NRG3: variants seen among roughly 807,000 people sequenced by gnomAD.
NRG3 encodes neuregulin 3, also known as pro-neuregulin-3, membrane-bound isoform.
A neutral mutation model predicts 66.9 loss-of-function variants in NRG3; 31 were observed. The ratio of observed to expected loss-of-function variants is 0.46; its 90% confidence interval spans 0.35 to 0.63. NRG3 has a LOEUF of 0.63. Ranked by LOEUF, NRG3 falls within the 20% of genes least tolerant of loss-of-function variation. The probability of loss-of-function intolerance (pLI) is 0.00; values close to 1 mark genes in which losing one functional copy is unlikely to be tolerated. For missense variants in NRG3, 910 were observed against 878.9 expected (o/e 1.04, Z -0.45); for synonymous variants, 393 against 359.4 (o/e 1.09, Z -1.06).
chr10:82,304,720 A>G (rs542100850), intron 1 of NRG3, among the ~76,000 whole-genome samples: 206 of 152,148 alleles, frequency 1.4e-3, no homozygotes, highest in Non-Finnish European at 2.3e-3. Context: ...GAGGACCATG[A>G]AATTCCCTAC....
chr10:81,907,164 A>T (rs1184095873), intron 1 of NRG3, among the ~76,000 whole-genome samples: 8 of 152,158 alleles, frequency 5.3e-5, no homozygotes, highest in Non-Finnish European at 1.0e-4. Context: ...TGTTTCTAGG[A>T]GGATGTCAAT....
intron 2 of NRG3, among the ~76,000 whole-genome samples, chr10:82,542,130 GTTCTCATTT>G: frequency 6.6e-6 from 1 of 152,038 alleles, no homozygotes; most frequent in Non-Finnish European, 1.5e-5. Context: ...GTGTCCATGT[GTTCTCATTT>G]TTCAACTCCC....
In NRG3 at chr10:81,993,930, A is replaced by T. The variant is rs1451365014; in HGVS notation, c.823+117767A>T. Among the ~76,000 whole-genome samples, 3 of 152,298 alleles carry T rather than the reference A, an allele frequency of 2.0e-5. No individual in the cohort carries two copies. The East Asian group carries it at 5.8e-4, about 29-fold the overall frequency. ...TTTTGCTATTTAATATAGTGTGAAG[A>T]TTTCCCCAGTGCTGTACTTACTTTC... On this transcript the variant is annotated intron_variant, in intron 1 of 8. Transcript: ENST00000372141.
At chr10:82,645,345 T>C (rs1181701192) in intron 2 of NRG3, among the ~76,000 whole-genome samples, 1 of 152,192 alleles carries the variant, frequency 6.6e-6, no homozygotes, top group Non-Finnish European at 1.5e-5. Flanking sequence ...ATCAAGTGCA[T>C]CAGTGAATTT....
At chr10:82,984,590 A>C (rs1853261263) in intron 8 of NRG3, among the ~76,000 whole-genome samples, 1 of 152,164 alleles carries the variant, frequency 6.6e-6, no homozygotes, top group Non-Finnish European at 1.5e-5. Flanking sequence ...TCTTGATTGT[A>C]GTACCTGGAT....
At chr10:82,467,915 ATG>A (rs749285969) in intron 2 of NRG3, among the ~76,000 whole-genome samples, 5 of 146,988 alleles carry the variant, frequency 3.4e-5, no homozygotes, top group Non-Finnish European at 7.7e-5. Flanking sequence ...GTGTGTGTGT[ATG>A]TGTGTGTGTG....
chr10:82,342,328 C>A (rs1034787326), intron 1 of NRG3, among the ~76,000 whole-genome samples: 2 of 152,018 alleles, frequency 1.3e-5, no homozygotes, highest in East Asian at 1.9e-4. Flanking sequence ...ATTTTTAGTT[C>A]TTGGATAAAT....
chr10:82,052,347 G>C (rs2133145261), intron 1 of NRG3, among the ~76,000 whole-genome samples: 1 of 152,058 alleles, frequency 6.6e-6, no homozygotes, highest in African/African-American at 2.4e-5. Context: ...GTAGCCCATG[G>C]GGTCATATCA....
chr10:82,340,823 G>T (rs1293643217), intron 1 of NRG3: 1 of 152,104 alleles, frequency 6.6e-6, no homozygotes, highest in African/African-American at 2.4e-5. Flanking sequence ...AGAGAAAGTT[G>T]TCATGGCCGT....
intron 1 of NRG3, among the ~76,000 whole-genome samples, chr10:82,186,159 A>G (rs2073795964): frequency 6.6e-6 from 1 of 152,156 alleles, no homozygotes; most frequent in African/African-American, 2.4e-5. Context: ...AGCATTCAGA[A>G]CTCCAAAGAG....
intron 2 of NRG3, 139 bp from the exon 3 acceptor site, chr10:82,738,438 G>A (rs2058261774): frequency 5.7e-6 from 4 of 703,354 alleles, no homozygotes; most frequent in Non-Finnish European, 1.0e-5. Flanking sequence ...GTTGAGGTCA[G>A]AAACAGACTG....
intron 2 of NRG3, among the ~76,000 whole-genome samples, chr10:82,695,296 C>T (rs17100512): frequency 0.07 from 10,656 of 151,720 alleles, 1,141 homozygotes; most frequent in African/African-American, 0.23. Flanking sequence ...ATTTGATTTC[C>T]GATACTGTAA....
At chr10:82,611,199 C>T (rs2048291287) in intron 2 of NRG3, among the ~76,000 whole-genome samples, 1 of 151,912 alleles carries the variant, frequency 6.6e-6, no homozygotes, top group Non-Finnish European at 1.5e-5. Context: ...CCTTAGATTG[C>T]AATGAGTTTT....
intron 1 of NRG3, among the ~76,000 whole-genome samples, chr10:82,045,666 G>A (rs2133063804): frequency 1.3e-5 from 1 of 75,786 alleles, no homozygotes; most frequent in Admixed American, 1.6e-4. Flanking sequence ...GAATGGTAAT[G>A]CCTAGGTTTT....
At chr10:82,683,753 T>C (rs998085281) in intron 2 of NRG3, among the ~76,000 whole-genome samples, 7 of 152,246 alleles carry the variant, frequency 4.6e-5, no homozygotes, top group Non-Finnish European at 1.0e-4. Context: ...TTAGTAATAC[T>C]TGTATTTTTG....
intron 3 of NRG3, among the ~76,000 whole-genome samples, chr10:82,748,611 T>G (rs1354546293): frequency 6.7e-6 from 1 of 148,942 alleles, no homozygotes; most frequent in Non-Finnish European, 1.5e-5. Context: ...ATATTATTTA[T>G]TTTTAATTAT....
chr10:82,122,164 A>T (rs2053868235), intron 1 of NRG3, among the ~76,000 whole-genome samples: 1 of 152,188 alleles, frequency 6.6e-6, no homozygotes, highest in South Asian at 2.1e-4. Flanking sequence ...CCTCACATGG[A>T]GTAAGTGCTC....
At chr10:82,790,197 A>G (rs2060528564) in intron 3 of NRG3, among the ~76,000 whole-genome samples, 1 of 152,104 alleles carries the variant, frequency 6.6e-6, no homozygotes, top group Non-Finnish European at 1.5e-5. Context: ...CTGTTTCTTC[A>G]TGTGAACTTA....
At chr10:82,860,348 AT>A (rs1176333969) in intron 3 of NRG3, among the ~76,000 whole-genome samples, 2 of 152,168 alleles carry the variant, frequency 1.3e-5, no homozygotes, top group Non-Finnish European at 2.9e-5. Context: ...TCTTAAGTGG[AT>A]TAAATAATTC....
Sources: gnomAD v4.1 joint callset for allele counts (sites outside exome capture counted in the v4.1 genomes callset) on GRCh38, gnomAD v4.1.1 for gene constraint, MANE v1.5 for transcripts, NCBI Gene and HGNC (gene_info 2026-07-23, HGNC 2026-07-21) for gene names.